DR1: variants seen among roughly 807,000 people sequenced by gnomAD.
DR1 encodes down-regulator of transcription 1, also known as protein Dr1.
DR1 carries 7 observed loss-of-function variants against 19.9 expected under a neutral mutation model. That is an observed-to-expected ratio of 0.35 (90% confidence interval 0.20 to 0.66). The LOEUF (loss-of-function observed/expected upper bound fraction) is 0.66. Among genes scored for constraint, DR1 ranks in the 30% least tolerant of loss-of-function variants. DR1 has a pLI of 0.66. For synonymous variants in DR1, 76 were observed against 72.5 expected (o/e 1.05, Z -0.24); for missense variants, 98 against 203.7 (o/e 0.48, Z 3.16).
rs927626306 is a variant in DR1, at chr1:93,368,829, T to C, written c.*8190T>C. 5 of 152,142 alleles carry C rather than the reference T, an allele frequency of 3.3e-5. No homozygotes were observed. In the East Asian group the frequency reaches 9.6e-4, roughly 29 times the overall value. 9.4% of individuals were successfully genotyped at this position (152,142 alleles called of 1,614,324 possible). On this transcript the variant is annotated 3_prime_UTR_variant, in exon 3 of 3. Transcript: ENST00000370272. ...AGTAGCCCTTACAAAATTTCGTCTGTCTTTATTATAAACATGTTGTAAGTG... is the reference window on the plus strand; with the variant it reads ...AGTAGCCCTTACAAAATTTCGTCTGCCTTTATTATAAACATGTTGTAAGTG...
chr1:93,351,436 C>CTTT (rs397862048), intron 1 of DR1, among the ~76,000 whole-genome samples: 220 of 103,762 alleles, frequency 2.1e-3, no homozygotes, highest in African/African-American at 3.6e-3. Context: ...GATTTTCTTT[C>CTTT]TTTTTTTTTT....
intron 1 of DR1, among the ~76,000 whole-genome samples, chr1:93,352,260 C>T (rs540740048): frequency 2.6e-4 from 40 of 152,172 alleles, no homozygotes; most frequent in Middle Eastern, 3.4e-3. Flanking sequence ...TTAGTAGAGA[C>T]AGGGTTTCAC....
chr1:93,360,723 T>C lies in DR1; in HGVS notation c.*84T>C. On this transcript the variant is annotated 3_prime_UTR_variant, in exon 3 of 3. Transcript: ENST00000370272. ...AGTGAAAGAAATGCTTATCTGTAAT[T>C]TTGTATGCATCTTGGTGGACTTGTC... 4 of 1,459,042 alleles carry C rather than the reference T, an allele frequency of 2.7e-6. No individual in the cohort carries two copies. Among genetic ancestry groups the C allele is most frequent in the Non-Finnish European group, 3.7e-6 (4 of 1,083,874 alleles). The allele number at this position is 1,459,042 out of a possible 1,614,324, so 90.4% of individuals were successfully genotyped here. A position where few individuals can be genotyped will look rare whatever the true frequency, so the allele number is the denominator to read the frequency against.
intron 2 of DR1, among the ~76,000 whole-genome samples, chr1:93,358,466 C>T (rs1291404068): frequency 1.3e-5 from 2 of 152,274 alleles, no homozygotes; most frequent in East Asian, 1.9e-4. Context: ...AGAGACTGAA[C>T]GCGGTTTGCA....
Position 93,363,145 on chromosome 1 carries a change from G to C in DR1, c.*2506G>C, listed in dbSNP as rs1667077901. 6.6e-6 allele frequency: 1 copy of C among 151,964 alleles called. No homozygotes were observed. 9.4% of individuals were successfully genotyped at this position (151,964 alleles called of 1,614,324 possible). A position where few individuals can be genotyped will look rare whatever the true frequency, so the allele number is the denominator to read the frequency against. ...ATACTAGTCTTCAGATCAAAACACA[G>C]AGCATTATGTGTACCCCAGAAGCCC... On this transcript the variant is annotated 3_prime_UTR_variant, in exon 3 of 3. Transcript: ENST00000370272.
chr1:93,357,925 A>T (rs560679143), intron 2 of DR1, among the ~76,000 whole-genome samples: 1 of 152,320 alleles, frequency 6.6e-6, no homozygotes, highest in East Asian at 1.9e-4. Context: ...TATCATTATG[A>T]GACTGACTAC....
intron 2 of DR1, among the ~76,000 whole-genome samples, chr1:93,357,518 A>AAAAT (rs3067471): frequency 1.4e-3 from 212 of 149,164 alleles, no homozygotes; most frequent in Middle Eastern, 6.9e-3. Context: ...CCCCATCTCT[A>AAAAT]AAATAAATAA....
In DR1 at chr1:93,352,055, TATG is replaced by T. The variant is rs376599906; in HGVS notation, c.221-1850_221-1848del. Among the ~76,000 whole-genome samples the T allele has an allele frequency of 3.2e-3, 485 of 152,258 alleles. 2 individuals are homozygous for T. The highest frequency in any genetic ancestry group is 0.011 in the African/African-American group (447 of 41,554). The stretch of plus-strand genomic sequence containing the variant: ...CCTACAACCCTAAAACTAATAACAA[TATG>T]ATATTTATTGCTTCATTTTTAATTT... On this transcript the variant is annotated intron_variant, in intron 1 of 2. Coordinates refer to ENST00000370272, the MANE Select transcript of DR1 (RefSeq NM_001938.3).
Position 93,354,340 on chromosome 1 carries a change from G to A in DR1, c.384+269G>A, listed in dbSNP as rs570371516. 3.0e-4 allele frequency among the ~76,000 whole-genome samples: 45 copies of A among 152,202 alleles called. No homozygotes were observed. The South Asian group carries it at 6.4e-3, about 22-fold the overall frequency. ...GAATGACCATTTTAAGGCATGAAAA[G>A]TATACCTAAATATTCTTAAGATTTA... is the stretch of plus-strand genomic sequence containing the variant. On this transcript the variant is annotated intron_variant, in intron 2 of 2. Coordinates refer to ENST00000370272, the MANE Select transcript of DR1 (RefSeq NM_001938.3).
chr1:93,349,746 AC>A (rs1017730961), intron 1 of DR1, among the ~76,000 whole-genome samples: 1 of 152,120 alleles, frequency 6.6e-6, no homozygotes, highest in Non-Finnish European at 1.5e-5. Context: ...TGTCCTTCTC[AC>A]ACTAGTAGCT....
At position 93,366,262 on chromosome 1, in the gene DR1, T is replaced by G. The variant is rs967784469; in HGVS notation, c.*5623T>G. 6.6e-6 allele frequency: 1 copy of G among 152,238 alleles called. No individual in the cohort carries two copies. The highest frequency in any genetic ancestry group is 1.9e-4 in the East Asian group (1 of 5,204). The allele number at this position is 152,238 out of a possible 1,614,324, so 9.4% of individuals were successfully genotyped here. On this transcript the variant is annotated 3_prime_UTR_variant, in exon 3 of 3. Transcript: ENST00000370272. Reference sequence around the variant, plus strand: ...CTCTTAAAGGCCAAATATGCCGTAGTATGTAAATACCGTATTTTGTTTATC... The same window carrying G: ...CTCTTAAAGGCCAAATATGCCGTAGGATGTAAATACCGTATTTTGTTTATC...
chr1:93,349,472 C>T (rs1046336207), intron 1 of DR1, among the ~76,000 whole-genome samples: 4 of 151,984 alleles, frequency 2.6e-5, no homozygotes, highest in Admixed American at 6.5e-5. Context: ...CTGTAAGTTC[C>T]GCACTGAGAA....
At position 93,346,423 on chromosome 1, in the gene DR1, C is replaced by G. The variant is rs1250549156; in HGVS notation, c.-223C>G. 1.8e-6 allele frequency: 1 copy of G among 564,986 alleles called. No individual in the cohort carries two copies. Among genetic ancestry groups the G allele is most frequent in the Admixed American group, 3.1e-5 (1 of 32,716 alleles). 35.0% of individuals were successfully genotyped at this position (564,986 alleles called of 1,614,324 possible). ...GCCTGGGCTGTGCTCTCTCTAGAATCCTCGGGCCCCCACTTTCTTCCCAAA... is the reference window on the plus strand; with the variant it reads ...GCCTGGGCTGTGCTCTCTCTAGAATGCTCGGGCCCCCACTTTCTTCCCAAA... On this transcript the variant is annotated 5_prime_UTR_variant, in exon 1 of 3. The change creates a new upstream start codon in the 5' untranslated region. Transcript: ENST00000370272.
intron 2 of DR1, among the ~76,000 whole-genome samples, chr1:93,356,632 G>T (rs1412404442): frequency 2.0e-5 from 3 of 151,870 alleles, no homozygotes; most frequent in Non-Finnish European, 4.4e-5. Flanking sequence ...ATACCAACTT[G>T]TAGTTGATTA....
In DR1 at chr1:93,369,165, CAAGTG is replaced by C. The variant is rs1041903360; in HGVS notation, c.*8530_*8534del. On this transcript the variant is annotated 3_prime_UTR_variant, in exon 3 of 3. Coordinates refer to ENST00000370272, the MANE Select transcript of DR1 (RefSeq NM_001938.3). ...ATGACTGTAATATAATAACATCTAA[CAAGTG>C]AAGGATTTGAACCCCAATGTAAGTA... 1 of 152,078 alleles carries C rather than the reference CAAGTG, an allele frequency of 6.6e-6. No homozygotes were observed. The highest frequency in any genetic ancestry group is 1.5e-5 in the Non-Finnish European group (1 of 67,990). The allele number at this position is 152,078 out of a possible 1,614,324, so 9.4% of individuals were successfully genotyped here.
At chr1:93,349,352 A>G (rs954385373) in intron 1 of DR1, among the ~76,000 whole-genome samples, 1 of 152,064 alleles carries the variant, frequency 6.6e-6, no homozygotes, top group Non-Finnish European at 1.5e-5. Flanking sequence ...AGGGAGTTCT[A>G]AGCTATAAAA....
Position 93,363,176 on chromosome 1 carries a change from T to A in DR1, c.*2537T>A, listed in dbSNP as rs1022984632. 6.6e-6 allele frequency: 1 copy of A among 152,174 alleles called. No individual in the cohort carries two copies. 9.4% of individuals were successfully genotyped at this position (152,174 alleles called of 1,614,324 possible). On this transcript the variant is annotated 3_prime_UTR_variant, in exon 3 of 3. Transcript: ENST00000370272. ...TATGTGTACCCCAGAAGCCCTCCTC[T>A]TTCCCCATCTTAACACTGTCTTCTT...
rs571730751 is a variant in DR1, at chr1:93,351,922, T to C, written c.221-1986T>C. 2.8e-4 allele frequency among the ~76,000 whole-genome samples: 42 copies of C among 152,322 alleles called. 1 individual carries two copies. Among genetic ancestry groups the C allele is most frequent in the Middle Eastern group, 3.4e-3 (1 of 294 alleles). ...CCTGTACACTTATGAGGGTACTCTT[T>C]TAAATTTAAAATAAAAAATACAGAT... is the stretch of plus-strand genomic sequence containing the variant. On this transcript the variant is annotated intron_variant, in intron 1 of 2. Transcript: ENST00000370272.
intron 2 of DR1, among the ~76,000 whole-genome samples, chr1:93,357,585 T>C (rs1438753171): frequency 6.6e-6 from 1 of 151,824 alleles, no homozygotes; most frequent in Non-Finnish European, 1.5e-5. Context: ...CAATCACTTA[T>C]TCCTCAAATT....
Sources: gnomAD v4.1 joint callset for allele counts (sites outside exome capture counted in the v4.1 genomes callset) on GRCh38, gnomAD v4.1.1 for gene constraint, MANE v1.5 for transcripts, NCBI Gene and HGNC (gene_info 2026-07-23, HGNC 2026-07-21) for gene names.